The following DMD variants were observed in gnomAD, a reference collection of about 807,000 sequenced individuals.
The protein encoded by DMD is mutant dystrophin.
Under a neutral mutation model 330.1 loss-of-function variants are expected in DMD, and 63 were observed. That is an observed-to-expected ratio of 0.19 (90% CI 0.16 to 0.24). DMD has a LOEUF of 0.24. DMD is among the 10% of genes least tolerant of loss of function. The pLI is 1.00. For missense variants in DMD, 3,344 were observed against 2,684.1 expected (o/e 1.25, Z -5.43); for synonymous variants, 1,223 against 959.8 (o/e 1.27, Z -5.07).
At position 32,760,301 on chromosome X, in the gene DMD, A is replaced by G. The variant is rs141238968; in HGVS notation, c.649+49192T>C. ...ATGTGAAATGGAATCAGTATGCCAC[A>G]TAGTATTTAACAGCATTATTCAATT... is the stretch of plus-strand genomic sequence containing the variant. On this transcript the variant is annotated intron_variant, in intron 7 of 78. Transcript: ENST00000357033. 7.6e-3 allele frequency among the ~76,000 whole-genome samples: 827 copies of G among 108,262 alleles called. 19 individuals carry two copies. The East Asian group carries it at 0.086, about 11-fold the overall frequency. The allele number at this position is 108,262 out of a possible 115,157, so 94.0% of individuals were successfully genotyped here.
intron 63 of DMD, among the ~76,000 whole-genome samples, chrX:31,235,139 G>A (rs2047595719): frequency 8.9e-6 from 1 of 111,812 alleles, no homozygotes; most frequent in African/African-American, 3.3e-5. Flanking sequence ...AGAAGGTTCA[G>A]GAGTCTGGCT....
intron 77 of DMD, among the ~76,000 whole-genome samples, chrX:31,130,837 T>C (rs1178121343): frequency 8.9e-6 from 1 of 112,040 alleles, no homozygotes; most frequent in Admixed American, 9.5e-5. Context: ...AACAGAAAAG[T>C]TGTAAATTTG....
At chrX:32,397,225 C>A (rs1291015349) in intron 30 of DMD, among the ~76,000 whole-genome samples, 1 of 111,267 alleles carries the variant, frequency 9.0e-6, no homozygotes, top group South Asian at 3.7e-4. Flanking sequence ...TATATTTTCA[C>A]CTAATATATA....
intron 2 of DMD, among the ~76,000 whole-genome samples, chrX:32,901,694 G>A (rs182280542): frequency 9.0e-6 from 1 of 110,821 alleles, no homozygotes; most frequent in African/African-American, 3.3e-5. Context: ...TCTGTTGGTA[G>A]CACTACTAAT....
intron 62 of DMD, among the ~76,000 whole-genome samples, chrX:31,263,926 G>A (rs901808388): frequency 8.9e-6 from 1 of 112,095 alleles, no homozygotes; most frequent in African/African-American, 3.2e-5. Context: ...AGATTCTTTG[G>A]TAACTATATG....
intron 51 of DMD, among the ~76,000 whole-genome samples, chrX:31,757,162 G>C (rs943752339): frequency 2.7e-5 from 3 of 110,520 alleles, no homozygotes; most frequent in Non-Finnish European, 3.8e-5. Context: ...TGTGTGTTTG[G>C]GTATATAATA....
chrX:31,767,314 T>A (rs2090063671), intron 51 of DMD, among the ~76,000 whole-genome samples: 1 of 111,968 alleles, frequency 8.9e-6, no homozygotes, highest in Admixed American at 9.5e-5. Flanking sequence ...CTAAGATGAC[T>A]GTCACCCAAC....
chrX:32,974,944 T>C (rs1254985568), intron 2 of DMD, among the ~76,000 whole-genome samples: 1 of 112,159 alleles, frequency 8.9e-6, no homozygotes, highest in Non-Finnish European at 1.9e-5. Flanking sequence ...GTAACATGTT[T>C]ACAGGCATGG....
intron 9 of DMD, among the ~76,000 whole-genome samples, chrX:32,656,833 T>C (rs2060609676): frequency 8.9e-6 from 1 of 112,141 alleles, no homozygotes; most frequent in African/African-American, 3.2e-5. Context: ...TCATTTGTGC[T>C]TCCAATTTCA....
rs183053110 is a variant in DMD, at chrX:32,002,113, A to G, written c.6439-33599T>C. Among the ~76,000 whole-genome samples, 15 of 111,592 alleles carry G rather than the reference A, an allele frequency of 1.3e-4. No individual in the cohort carries two copies. The Admixed American group carries it at 1.4e-3, about 11-fold the overall frequency. On this transcript the variant is annotated intron_variant, in intron 44 of 78. Coordinates refer to ENST00000357033, the MANE Select transcript of DMD (RefSeq NM_004006.3). ...TCTTCAGAGCAGAATGCAACGCACA[A>G]CTGTTTGCACTATCCTTTTACTTTC...
chrX:32,409,359 A>G (rs1469939915), intron 30 of DMD, among the ~76,000 whole-genome samples: 2 of 111,866 alleles, frequency 1.8e-5, no homozygotes, highest in African/African-American at 6.5e-5. Context: ...TTCATAATTT[A>G]TCTGTGTTCT....
intron 43 of DMD, among the ~76,000 whole-genome samples, chrX:32,276,986 TAC>T (rs1462690132): frequency 1.8e-5 from 2 of 110,830 alleles, no homozygotes; most frequent in African/African-American, 3.3e-5. Context: ...GAAAAATAGA[TAC>T]AGTGTCTGAA....
chrX:32,521,304 G>A (rs1324969142), intron 17 of DMD, among the ~76,000 whole-genome samples: 1 of 111,892 alleles, frequency 8.9e-6, no homozygotes, highest in Non-Finnish European at 1.9e-5. Context: ...CAAGTAGCTA[G>A]GACTACAGTT....
intron 1 of DMD, among the ~76,000 whole-genome samples, chrX:33,163,238 C>A (rs2048854981): frequency 9.0e-6 from 1 of 111,187 alleles, no homozygotes; most frequent in Non-Finnish European, 1.9e-5. Flanking sequence ...TCAGTAAAGA[C>A]AACTTTTAAA....
intron 43 of DMD, among the ~76,000 whole-genome samples, chrX:32,223,420 G>A (rs1035709437): frequency 3.6e-5 from 4 of 111,959 alleles, no homozygotes; most frequent in Non-Finnish European, 7.5e-5. Flanking sequence ...AATTTGGAAA[G>A]AGACACATTC....
At chrX:32,721,670 T>C (rs752705611) in intron 7 of DMD, among the ~76,000 whole-genome samples, 2 of 111,211 alleles carry the variant, frequency 1.8e-5, no homozygotes, top group South Asian at 7.5e-4. Context: ...TTCTTTTGCT[T>C]TCCAGAAGCT....
intron 1 of DMD, among the ~76,000 whole-genome samples, chrX:33,264,814 T>C (rs1475301342): frequency 9.0e-6 from 1 of 110,766 alleles, no homozygotes; most frequent in East Asian, 2.8e-4. Context: ...TTTACAGTCA[T>C]AGTAGGTTGT....
chrX:31,402,354 A>G (rs978594363), intron 60 of DMD, among the ~76,000 whole-genome samples: 1 of 112,022 alleles, frequency 8.9e-6, no homozygotes, highest in African/African-American at 3.2e-5. Context: ...GAGAACAGAA[A>G]TAAGGAAATC....
chrX:32,732,698 A>G (rs1337495093), intron 7 of DMD, among the ~76,000 whole-genome samples: 2 of 111,149 alleles, frequency 1.8e-5, no homozygotes. Flanking sequence ...AATACTCTAC[A>G]GACAAGCAAA....
Sources: allele counts gnomAD v4.1 joint callset (sites outside exome capture counted in the v4.1 genomes callset), GRCh38; gene constraint gnomAD v4.1.1; transcripts MANE v1.5; gene names NCBI Gene and HGNC (gene_info 2026-07-23, HGNC 2026-07-21).